Variants in ABCC2 observed in about 807,000 individuals in gnomAD.
ABCC2 encodes ATP binding cassette subfamily C member 2.
Under a neutral mutation model 173.4 loss-of-function variants are expected in ABCC2, and 157 were observed. The ratio of observed to expected loss-of-function variants is 0.91; its 90% CI spans 0.80 to 1.03. The LOEUF (loss-of-function observed/expected upper bound fraction) is 1.03. Among genes scored for constraint, ABCC2 ranks in the 50% least tolerant of loss-of-function variants. ABCC2 has a pLI of 0.00. For synonymous variants in ABCC2, 657 were observed against 693.5 expected (o/e 0.95, Z 0.83); for missense variants, 1,822 against 1,852.3 (o/e 0.98, Z 0.30).
In ABCC2 at chr10:99,851,731, G is replaced by A; in HGVS notation, c.*100G>A. 1 of 1,241,836 alleles carries A rather than the reference G, an allele frequency of 8.1e-7. No homozygotes were observed. The highest frequency in any genetic ancestry group is 1.5e-5 in the South Asian group (1 of 66,270). The allele number at this position is 1,241,836 out of a possible 1,614,324, so 76.9% of individuals were successfully genotyped here. A position where few individuals can be genotyped will look rare whatever the true frequency, so the allele number is the denominator to read the frequency against. ...ATACATACAAAAGTGTGTATAAAAT[G>A]TACGTTTTAAAAAAGGATAAGTGAA... On this transcript the variant is annotated 3_prime_UTR_variant, in exon 32 of 32. Transcript: ENST00000647814.
chr10:99,840,378 A>G (rs2038916833), intron 25 of ABCC2, among the ~76,000 whole-genome samples: 4 of 144,946 alleles, frequency 2.8e-5, no homozygotes, highest in African/African-American at 9.9e-5. Flanking sequence ...CGCGCCAACC[A>G]CCAGCCGCGG....
At chr10:99,839,053 C>T (rs2038881870) in intron 25 of ABCC2, among the ~76,000 whole-genome samples, 1 of 136,786 alleles carries the variant, frequency 7.3e-6, no homozygotes, top group African/African-American at 2.8e-5. Flanking sequence ...GCGCCCCTCA[C>T]CTCCCGGACG....
At chr10:99,818,485 G>A (rs1374588929) in intron 17 of ABCC2, among the ~76,000 whole-genome samples, 1 of 152,170 alleles carries the variant, frequency 6.6e-6, no homozygotes, top group Non-Finnish European at 1.5e-5. Flanking sequence ...AGTGTTTTAA[G>A]TTCTGGAATT....
intron 16 of ABCC2, among the ~76,000 whole-genome samples, chr10:99,813,894 A>ATAT (rs143591774): frequency 0.014 from 2,059 of 152,192 alleles, 38 homozygotes; most frequent in African/African-American, 0.04. Flanking sequence ...CATAACAGTA[A>ATAT]TATCAAGAGC....
intron 24 of ABCC2, 92 bp from the exon 25 acceptor site, chr10:99,835,999 G>A: frequency 7.8e-7 from 1 of 1,284,934 alleles, no homozygotes. Flanking sequence ...TGCCCATCAA[G>A]GGGAAGAATG....
chr10:99,804,367 A>C lies in ABCC2; in HGVS notation c.1464+94A>C, dbSNP rs1396424501. The C allele has an allele frequency of 1.4e-5, 22 of 1,546,926 alleles. No individual in the cohort carries two copies. The East Asian group carries it at 5.0e-4, about 35-fold the overall frequency. On this transcript the variant is annotated intron_variant, in intron 10 of 31. Coordinates refer to ENST00000647814, the MANE Select transcript of ABCC2 (RefSeq NM_000392.5). Reference sequence around the variant, plus strand: ...CTAATTCTTAATGGGAGTTTGGGCAAGGCAAAGCTGGTGGAAGACTTTCTA... The same window carrying C: ...CTAATTCTTAATGGGAGTTTGGGCACGGCAAAGCTGGTGGAAGACTTTCTA...
chr10:99,831,423 G>A (rs1351272655), intron 21 of ABCC2, among the ~76,000 whole-genome samples, 188 bp from the exon 22 acceptor site: 3 of 152,094 alleles, frequency 2.0e-5, no homozygotes, highest in Non-Finnish European at 4.4e-5. Flanking sequence ...ACCCTGCATT[G>A]TATTTCAGCA....
chr10:99,841,774 A>C (rs2038948960), intron 25 of ABCC2, among the ~76,000 whole-genome samples, 193 bp from the exon 26 acceptor site: 1 of 152,202 alleles, frequency 6.6e-6, no homozygotes, highest in South Asian at 2.1e-4. Context: ...TTTAAAATGC[A>C]ATTTATTTTC....
chr10:99,813,753 G>T (rs1244501343), intron 16 of ABCC2, among the ~76,000 whole-genome samples: 2 of 151,806 alleles, frequency 1.3e-5, no homozygotes, highest in African/African-American at 4.8e-5. Context: ...CTATGTATTT[G>T]TTTCTGAAAA....
rs531501365 is a variant in ABCC2, at chr10:99,829,454, T to C, written c.2621-853T>C. 4.2e-3 allele frequency among the ~76,000 whole-genome samples: 71 copies of C among 17,052 alleles called. 1 individual carries two copies. The South Asian group carries it at 0.094, about 22-fold the overall frequency. 11.2% of individuals were successfully genotyped at this position (17,052 alleles called of 152,430 possible). ...GCTCTGAAAAAGTTGACTTTGACCA[T>C]TTTTAATCATTATTCTAATTGCTTT... On this transcript the variant is annotated intron_variant, in intron 19 of 31. Coordinates refer to ENST00000647814, the MANE Select transcript of ABCC2 (RefSeq NM_000392.5).
At chr10:99,802,021 G>A (rs2038023408) in intron 9 of ABCC2, among the ~76,000 whole-genome samples, 1 of 152,130 alleles carries the variant, frequency 6.6e-6, no homozygotes, top group South Asian at 2.1e-4. Flanking sequence ...GTTTCTGCTG[G>A]TTTACAAGTT....
chr10:99,799,110 GAGA>G, intron 7 of ABCC2, 94 bp from the exon 8 acceptor site: 1 of 1,398,760 alleles, frequency 7.1e-7, no homozygotes, highest in East Asian at 2.3e-5. Context: ...AACCTGTACA[GAGA>G]AGGCCACGGG....
intron 9 of ABCC2, among the ~76,000 whole-genome samples, chr10:99,802,909 A>G (rs898183714): frequency 2.0e-5 from 3 of 152,222 alleles, no homozygotes; most frequent in Non-Finnish European, 4.4e-5. Flanking sequence ...AGCCCATACT[A>G]CAAGATCAGG....
chr10:99,789,273 G>A (rs1378457817), intron 2 of ABCC2: 7 of 152,182 alleles, frequency 4.6e-5, no homozygotes, highest in African/African-American at 1.4e-4. Flanking sequence ...CTCTGAGTGG[G>A]ACACCTCCTC....
chr10:99,850,793 A>C lies in ABCC2; in HGVS notation c.4505A>C (p.Asp1502Ala). Residue 1502 changes from aspartate to alanine, a missense_variant, in exon 31 of 32, where the codon GAC becomes GCC. Asp to Ala is a moderately radical substitution (Grantham distance 126, BLOSUM62 -2). Coordinates refer to ENST00000647814, the MANE Select transcript of ABCC2 (RefSeq NM_000392.5). ...AGGCTGCACACCATCATGGACAGTGACAAGTGAGTGTAGGGGGACAGGGCT... is the reference window on the plus strand; with the variant it reads ...AGGCTGCACACCATCATGGACAGTGCCAAGTGAGTGTAGGGGGACAGGGCT... ...AHRLHTIMDS[D>A]KVMVLDNGKI... 5 of 1,614,202 alleles carry C rather than the reference A, an allele frequency of 3.1e-6. No individual in the cohort carries two copies. Among genetic ancestry groups the C allele is most frequent in the Non-Finnish European group, 4.2e-6 (5 of 1,180,042 alleles).
At chr10:99,814,301 ACACACATG>A (rs1564684337) in intron 16 of ABCC2, among the ~76,000 whole-genome samples, 43 of 75,660 alleles carry the variant, frequency 5.7e-4, no homozygotes, top group African/African-American at 2.1e-3. Context: ...ACGTATGTAT[ACACACATG>A]TATATACACA....
chr10:99,842,300 G>T (rs2038960393), intron 26 of ABCC2, among the ~76,000 whole-genome samples: 1 of 152,128 alleles, frequency 6.6e-6, no homozygotes, highest in Non-Finnish European at 1.5e-5. Context: ...TAGAAAACTG[G>T]ACATAAATAT....
chr10:99,808,212 A>T lies in ABCC2; in HGVS notation c.1798A>T (p.Ile600Phe). The T allele has an allele frequency of 1.9e-6, 3 of 1,614,054 alleles. No individual in the cohort carries two copies. Among genetic ancestry groups the T allele is most frequent in the Non-Finnish European group, 2.5e-6 (3 of 1,180,012 alleles). ...TCCCCTGAGCATGCTTCCCATGATG[A>T]TCTCCTCCATGCTCCAGGTAGGTCG... is the stretch of plus-strand genomic sequence containing the variant. ...RFPLSMLPMMISSMLQASVST... is the reference protein window; with the variant it reads ...RFPLSMLPMMFSSMLQASVST... The change falls in exon 13 of 32, where the codon ATC (isoleucine) becomes TTC (phenylalanine). Residue 600 changes from isoleucine to phenylalanine, a missense_variant. By Grantham distance (21) the Ile-to-Phe change is conservative. Transcript: ENST00000647814.
chr10:99,834,471 G>T lies in ABCC2; in HGVS notation c.3350G>T (p.Cys1117Phe). 2 of 1,614,048 alleles carry T rather than the reference G, an allele frequency of 1.2e-6. No individual in the cohort carries two copies. The highest frequency in any genetic ancestry group is 1.1e-5 in the South Asian group (1 of 91,070). The change falls in exon 24 of 32, where the codon TGC becomes TTC. Residue 1117 changes from cysteine (C) to phenylalanine (F), a missense_variant. By Grantham distance (205) the Cys-to-Phe change is radical (BLOSUM62 -2). Transcript: ENST00000647814. ...ATAATCAGCACCCTTGTCATGATCTGCATGGCCACTCCTGTCTTCACCATC... is the reference window on the plus strand; with the variant it reads ...ATAATCAGCACCCTTGTCATGATCTTCATGGCCACTCCTGTCTTCACCATC... The part of the protein sequence containing the change: ...LGIISTLVMI[C>F]MATPVFTIIV...
Sources: gnomAD v4.1 joint callset for allele counts (sites outside exome capture counted in the v4.1 genomes callset) on GRCh38, gnomAD v4.1.1 for gene constraint, MANE v1.5 for transcripts, NCBI Gene and HGNC (gene_info 2026-07-23, HGNC 2026-07-21) for gene names.